Variants in TMEM39A observed in about 807,000 individuals in gnomAD.
TMEM39A encodes suppressor of SQST-1 aggregates in rpl-43 mutants.
TMEM39A carries 19 observed loss-of-function variants against 51.9 expected under a neutral mutation model. The ratio of observed to expected loss-of-function variants is 0.37; its 90% CI spans 0.26 to 0.54. The LOEUF (loss-of-function observed/expected upper bound fraction) is 0.54. Among genes scored for constraint, TMEM39A ranks in the 20% least tolerant of loss-of-function variants. TMEM39A has a pLI of 0.88. For synonymous variants in TMEM39A, 197 were observed against 220.2 expected (o/e 0.89, Z 0.93); for missense variants, 433 against 590.5 (o/e 0.73, Z 2.76).
Position 119,462,052 on chromosome 3 carries a change from G to T in TMEM39A, c.23C>A (p.Pro8His), listed in dbSNP as rs772226078. 2 of 1,614,106 alleles carry T rather than the reference G, an allele frequency of 1.2e-6. No individual in the cohort carries two copies. The highest frequency in any genetic ancestry group is 1.7e-5 in the Admixed American group (1 of 60,012). MPGGRRG[P>H]SRQQLSRSAL... ...TGAACGGCTTAGCTGTTGCCGACTA[G>T]GGCCCCTCCTTCCACCGGGCATGTC... Residue 8 changes from proline to histidine, a missense_variant, in exon 2 of 9, where the codon CCT (proline) becomes CAT (histidine). Around this residue, in one of 3 missense-constraint regions of TMEM39A, gnomAD observed 170 missense variants for 239.8 expected, o/e 0.71. Transcript: ENST00000319172.
intron 3 of TMEM39A, among the ~76,000 whole-genome samples, chr3:119,454,498 A>C (rs549122924): frequency 3.3e-5 from 5 of 152,318 alleles, no homozygotes; most frequent in African/African-American, 1.2e-4. Flanking sequence ...CATTTTTAAA[A>C]ATCAAAATAT....
rs1416736637 is a variant in TMEM39A at position 119,463,514 on chromosome 3, ACT to A, written c.-255_-254del. ...AGGTGTCCAGGCTTCGGGCTGCCAG[ACT>A]CAGACCCAGACTCCGACGCAGTTCC... On this transcript the variant is annotated 5_prime_UTR_variant, in exon 1 of 9. It removes the in-frame stop codon of an upstream open reading frame in the 5' UTR. Transcript: ENST00000319172. The A allele has an allele frequency of 1.0e-5, 4 of 398,768 alleles. No individual in the cohort carries two copies. The highest frequency in any genetic ancestry group is 8.2e-5 in the African/African-American group (4 of 48,654). 24.7% of individuals were successfully genotyped at this position (398,768 alleles called of 1,614,324 possible).
rs1260442088 is a variant in TMEM39A, at chr3:119,434,669, T to C, written c.1233+93A>G. ...ATTACCATGTAATAATTTCCTAGTA[T>C]GTGCTACATGCTATGCTACATGCTT... is the stretch of plus-strand genomic sequence containing the variant. On this transcript the variant is annotated intron_variant, in intron 8 of 8. Coordinates refer to ENST00000319172, the MANE Select transcript of TMEM39A (RefSeq NM_018266.3). 2.0e-6 allele frequency: 3 copies of C among 1,500,398 alleles called. No individual in the cohort carries two copies. In the African/African-American group the frequency reaches 4.2e-5, roughly 21 times the overall value. The allele number at this position is 1,500,398 out of a possible 1,614,324, so 92.9% of individuals were successfully genotyped here. A position where few individuals can be genotyped will look rare whatever the true frequency, so the allele number is the denominator to read the frequency against.
At chr3:119,457,875 A>C in intron 3 of TMEM39A, 143 bp downstream of exon 3, 1 of 561,118 alleles carries the variant, frequency 1.8e-6, no homozygotes, top group Non-Finnish European at 3.1e-6. Context: ...ATGAAATTTT[A>C]TTTCTGAAAG....
At chr3:119,450,195 C>T (rs1489296930) in intron 4 of TMEM39A, among the ~76,000 whole-genome samples, 1 of 152,146 alleles carries the variant, frequency 6.6e-6, no homozygotes, top group African/African-American at 2.4e-5. Flanking sequence ...AAAAGCTTCC[C>T]ACCTGCTGAT....
chr3:119,443,697 C>T (rs2081085418), intron 5 of TMEM39A, among the ~76,000 whole-genome samples: 2 of 152,144 alleles, frequency 1.3e-5, no homozygotes, highest in African/African-American at 4.8e-5. Flanking sequence ...AAGAGGATCA[C>T]TTGAGCCCAG....
intron 4 of TMEM39A, among the ~76,000 whole-genome samples, chr3:119,449,526 C>T (rs191837288): frequency 1.0e-3 from 152 of 151,366 alleles, no homozygotes; most frequent in Admixed American, 4.7e-3. Context: ...CTTGGGAGGC[C>T]GAGGCAGGAG....
intron 5 of TMEM39A, among the ~76,000 whole-genome samples, chr3:119,443,000 A>C (rs1039836916): frequency 3.4e-5 from 5 of 146,114 alleles, no homozygotes; most frequent in Non-Finnish European, 6.0e-5. Flanking sequence ...CAGGAGACAG[A>C]TGTTGCAGTG....
chr3:119,460,902 A>G (rs2081327631), intron 2 of TMEM39A, among the ~76,000 whole-genome samples: 1 of 152,214 alleles, frequency 6.6e-6, no homozygotes. Context: ...CCTATATTAG[A>G]TAGTACCTTT....
chr3:119,460,828 T>A (rs1368127425), intron 2 of TMEM39A, among the ~76,000 whole-genome samples: 4 of 152,192 alleles, frequency 2.6e-5, no homozygotes, highest in African/African-American at 9.7e-5. Context: ...ATCAATAAGT[T>A]GATAGCATAT....
rs542878937 is a variant in TMEM39A, at chr3:119,436,571, T to G, written c.1112+220A>C. On this transcript the variant is annotated intron_variant, in intron 7 of 8. Coordinates refer to ENST00000319172, the MANE Select transcript of TMEM39A (RefSeq NM_018266.3). ...GACAAATTACACACACTAGAGTGAC[T>G]GGGCAGCTGAAAGGTAGAACGCATT... 5 of 472,100 alleles carry G rather than the reference T, an allele frequency of 1.1e-5. No homozygotes were observed. In the South Asian group the frequency reaches 1.5e-4, roughly 15 times the overall value. The allele number at this position is 472,100 out of a possible 1,614,324, so 29.2% of individuals were successfully genotyped here. A position where few individuals can be genotyped will look rare whatever the true frequency, so the allele number is the denominator to read the frequency against.
chr3:119,448,127 TTTTTAAC>T (rs1423481453), intron 4 of TMEM39A, among the ~76,000 whole-genome samples: 2 of 152,258 alleles, frequency 1.3e-5, no homozygotes, highest in African/African-American at 4.8e-5. Context: ...ATAAGTTTCT[TTTTTAAC>T]TTTTGCAAAC....
chr3:119,433,113 A>G (rs1364462255), intron 8 of TMEM39A, among the ~76,000 whole-genome samples: 4 of 152,164 alleles, frequency 2.6e-5, no homozygotes, highest in Non-Finnish European at 4.4e-5. Flanking sequence ...AGCAGTGATC[A>G]GATCTAAAAT....
intron 4 of TMEM39A, among the ~76,000 whole-genome samples, chr3:119,447,642 A>G (rs182404998): frequency 6.6e-6 from 1 of 151,822 alleles, no homozygotes; most frequent in East Asian, 1.9e-4. Context: ...TTTTCGAGAC[A>G]AAGTCTCGCT....
At chr3:119,438,419 T>C (rs1463414474) in intron 5 of TMEM39A, among the ~76,000 whole-genome samples, 1 of 152,234 alleles carries the variant, frequency 6.6e-6, no homozygotes, top group Non-Finnish European at 1.5e-5. Context: ...TTTGTAAACT[T>C]TGTATTATAG....
chr3:119,445,288 C>A (rs1415179117), intron 5 of TMEM39A, among the ~76,000 whole-genome samples: 2 of 152,088 alleles, frequency 1.3e-5, no homozygotes, highest in African/African-American at 4.8e-5. Flanking sequence ...GAGACAGAGT[C>A]TTGCTCGTCG....
At chr3:119,438,200 A>C in intron 5 of TMEM39A, 97 bp from the exon 6 acceptor site, 1 of 897,380 alleles carries the variant, frequency 1.1e-6, no homozygotes, top group Non-Finnish European at 1.6e-6. Context: ...TCAATAAAAT[A>C]GTCAGGACCC....
intron 5 of TMEM39A, among the ~76,000 whole-genome samples, chr3:119,440,830 T>C (rs961447766): frequency 6.6e-6 from 1 of 152,216 alleles, no homozygotes; most frequent in African/African-American, 2.4e-5. Context: ...TCCCAGATAC[T>C]GTATTTATTA....
intron 4 of TMEM39A, chr3:119,451,353 T>A: frequency 8.4e-7 from 1 of 1,191,062 alleles, no homozygotes; most frequent in Non-Finnish European, 1.1e-6. Flanking sequence ...AAGTTGACTC[T>A]CAATTATTTG....
Sources: gnomAD v4.1 joint callset for allele counts (sites outside exome capture counted in the v4.1 genomes callset) on GRCh38, gnomAD v4.1.1 for gene constraint, gnomAD v4.1.1 regional missense constraint, MANE v1.5 for transcripts, NCBI Gene and HGNC (gene_info 2026-07-23, HGNC 2026-07-21) for gene names.